GALNT13: variants seen among roughly 807,000 people sequenced by gnomAD.
GALNT13 encodes the protein polypeptide N-acetylgalactosaminyltransferase 13.
GALNT13 carries 28 observed loss-of-function variants against 64.2 expected under a neutral mutation model. That is an observed-to-expected ratio of 0.44 (90% confidence interval 0.32 to 0.60). The LOEUF (loss-of-function observed/expected upper bound fraction) is 0.60, where lower values mean the gene tolerates loss of function less well. Ranked by LOEUF, GALNT13 falls within the 20% of genes least tolerant of loss-of-function variation. The probability of loss-of-function intolerance (pLI) is 0.05; values close to 1 mark genes in which losing one functional copy is unlikely to be tolerated. For synonymous variants in GALNT13, 214 were observed against 224.6 expected (o/e 0.95, Z 0.42); for missense variants, 577 against 669.8 (o/e 0.86, Z 1.53).
At chr2:153,439,929 C>T in the GALNT13 span, among the ~76,000 whole-genome samples, 1 of 152,200 alleles carries the variant, frequency 6.6e-6, no homozygotes, top group Non-Finnish European at 1.5e-5. Flanking sequence ...GAGCTGCAGA[C>T]TGGAGCTGTT....
intron 3 of GALNT13, among the ~76,000 whole-genome samples, chr2:154,104,755 G>A (rs892347058): frequency 6.6e-6 from 1 of 152,220 alleles, no homozygotes; most frequent in Non-Finnish European, 1.5e-5. Context: ...AAGTCAGAGT[G>A]TGTTCTAGGG....
At chr2:153,880,503 A>G (rs1261479982) in intron 1 of GALNT13, among the ~76,000 whole-genome samples, 1 of 152,136 alleles carries the variant, frequency 6.6e-6, no homozygotes, top group Non-Finnish European at 1.5e-5. Flanking sequence ...TTTAGAAACA[A>G]TGTGATTTCC....
the GALNT13 span, among the ~76,000 whole-genome samples, chr2:153,722,135 A>G: frequency 1.4e-5 from 2 of 147,382 alleles, no homozygotes. Flanking sequence ...ATCAAACTAG[A>G]ACTCAGGATT....
At chr2:153,310,798 G>C in the GALNT13 span, among the ~76,000 whole-genome samples, 1 of 152,078 alleles carries the variant, frequency 6.6e-6, no homozygotes, top group East Asian at 1.9e-4. Flanking sequence ...CCTAACCCCT[G>C]CATTGCCCAA....
the GALNT13 span, among the ~76,000 whole-genome samples, chr2:153,231,434 G>C: frequency 6.6e-6 from 1 of 152,164 alleles, no homozygotes; most frequent in African/African-American, 2.4e-5. Context: ...AAGTCATGTT[G>C]TTTAAAGATT....
chr2:154,339,803 T>G (rs1341487631), intron 9 of GALNT13, among the ~76,000 whole-genome samples: 3 of 152,092 alleles, frequency 2.0e-5, no homozygotes, highest in Non-Finnish European at 4.4e-5. Context: ...TTCCTGAGCT[T>G]TCTCTCTCTG....
At chr2:153,687,072 A>G in the GALNT13 span, among the ~76,000 whole-genome samples, 37 of 151,836 alleles carry the variant, frequency 2.4e-4, no homozygotes, top group Admixed American at 1.3e-4. Context: ...TTTACATTGA[A>G]GTTTATCAAG....
chr2:153,458,326 A>C, the GALNT13 span, among the ~76,000 whole-genome samples: 2 of 152,094 alleles, frequency 1.3e-5, no homozygotes, highest in Non-Finnish European at 2.9e-5. Context: ...TGAACCTCTC[A>C]TGACTTCTCA....
chr2:153,811,433 A>G, the GALNT13 span, among the ~76,000 whole-genome samples: 1 of 152,240 alleles, frequency 6.6e-6, no homozygotes, highest in Non-Finnish European at 1.5e-5. Flanking sequence ...AAGTGTAATC[A>G]TAGCAATTAT....
the GALNT13 span, among the ~76,000 whole-genome samples, chr2:153,594,357 A>G: frequency 6.6e-6 from 1 of 152,026 alleles, no homozygotes; most frequent in Non-Finnish European, 1.5e-5. Flanking sequence ...TTTATATAAC[A>G]TTTGCCTTGG....
Position 154,203,674 on chromosome 2 carries a change from T to C in GALNT13, c.312-38356T>C, listed in dbSNP as rs115557607. On this transcript the variant is annotated intron_variant, in intron 4 of 12. Transcript: ENST00000392825. ...TGACAACTCCTTGCACCTGGTGCTTTGGAGAAAATTCCAGGAGTCTTTCTT... is the reference window on the plus strand; with the variant it reads ...TGACAACTCCTTGCACCTGGTGCTTCGGAGAAAATTCCAGGAGTCTTTCTT... 6.4e-3 allele frequency among the ~76,000 whole-genome samples: 972 copies of C among 152,252 alleles called. 11 individuals are homozygous for C. Among genetic ancestry groups the C allele is most frequent in the African/African-American group, 0.021 (876 of 41,538 alleles).
At chr2:153,360,001 C>T in the GALNT13 span, among the ~76,000 whole-genome samples, 1 of 152,090 alleles carries the variant, frequency 6.6e-6, no homozygotes, top group Non-Finnish European at 1.5e-5. Context: ...AGCGGTGGGG[C>T]CAAGATGATC....
chr2:154,027,863 A>T (rs1698078917), intron 3 of GALNT13, among the ~76,000 whole-genome samples: 1 of 152,178 alleles, frequency 6.6e-6, no homozygotes, highest in East Asian at 1.9e-4. Context: ...TAAAAAGACA[A>T]CAAATTAAAC....
the GALNT13 span, among the ~76,000 whole-genome samples, chr2:153,670,386 G>A: frequency 2.0e-5 from 3 of 152,148 alleles, no homozygotes; most frequent in Non-Finnish European, 2.9e-5. Context: ...TGCAGCCTCC[G>A]CTGGTGATAC....
At chr2:153,524,195 T>C in the GALNT13 span, among the ~76,000 whole-genome samples, 1 of 152,228 alleles carries the variant, frequency 6.6e-6, no homozygotes, top group Non-Finnish European at 1.5e-5. Flanking sequence ...TATACATTGT[T>C]GAACTCAATA....
At chr2:153,722,721 C>T in the GALNT13 span, among the ~76,000 whole-genome samples, 1 of 152,296 alleles carries the variant, frequency 6.6e-6, no homozygotes, top group Admixed American at 6.5e-5. Context: ...GGATACATTC[C>T]TTGACACATA....
At chr2:153,741,412 A>C in the GALNT13 span, among the ~76,000 whole-genome samples, 2 of 151,888 alleles carry the variant, frequency 1.3e-5, no homozygotes, top group Non-Finnish European at 2.9e-5. Flanking sequence ...GCTCTTATTA[A>C]AATTATACTC....
chr2:153,500,038 C>T, the GALNT13 span, among the ~76,000 whole-genome samples: 2 of 152,188 alleles, frequency 1.3e-5, no homozygotes, highest in Admixed American at 6.5e-5. Flanking sequence ...CAGCTGGCAT[C>T]CCCACAGGTG....
chr2:153,071,897 A>G, the GALNT13 span, among the ~76,000 whole-genome samples: 2 of 152,184 alleles, frequency 1.3e-5, no homozygotes, highest in Non-Finnish European at 2.9e-5. Context: ...AAATAGTTCT[A>G]TCTGGTTCTT....
Sources: gnomAD v4.1 joint callset for allele counts (sites outside exome capture counted in the v4.1 genomes callset) on GRCh38, gnomAD v4.1.1 for gene constraint, MANE v1.5 for transcripts, NCBI Gene and HGNC (gene_info 2026-07-23, HGNC 2026-07-21) for gene names.